ANKMY1: variants seen among roughly 807,000 people sequenced by gnomAD.
ANKMY1 encodes ankyrin repeat and MYND domain containing 1.
In ANKMY1, 98 loss-of-function variants were observed where a neutral mutation model predicts 102.0. That is an observed-to-expected ratio of 0.96 (90% confidence interval 0.82 to 1.14). The LOEUF is 1.14. Among genes scored for constraint, ANKMY1 ranks in the 50% most tolerant of loss-of-function variants. The pLI is 0.00. For missense variants in ANKMY1, 1,330 were observed against 1,347.6 expected, an observed-to-expected ratio of 0.99 and a Z score of 0.20; for synonymous variants, 582 against 559.9, an observed-to-expected ratio of 1.04 and a Z score of -0.56.
chr2:240,505,267 G>A (rs915369141), intron 13 of ANKMY1, among the ~76,000 whole-genome samples: 1 of 151,896 alleles, frequency 6.6e-6, no homozygotes, highest in African/African-American at 2.4e-5. Context: ...TTCAAGACCA[G>A]CCTGACCAAC....
At chr2:240,508,161 C>A (rs12471846) in intron 12 of ANKMY1, among the ~76,000 whole-genome samples, 1 of 152,104 alleles carries the variant, frequency 6.6e-6, no homozygotes, top group African/African-American at 2.4e-5. Flanking sequence ...AAGAGGCACA[C>A]CTCCCTTCTC....
At chr2:240,522,389 A>G (rs2152340569) in intron 8 of ANKMY1, 1 of 152,332 alleles carries the variant, frequency 6.6e-6, no homozygotes, top group Non-Finnish European at 1.5e-5. Context: ...AGTTGGGGAG[A>G]AGGATGGCAC....
At chr2:240,476,142 T>C (rs114621626), downstream of ANKMY1, among the ~76,000 whole-genome samples, 304 of 152,220 alleles carry the variant, frequency 2.0e-3, 1 homozygote, top group African/African-American at 7.1e-3. Context: ...GATACAGTCA[T>C]AAAAACAGAT....
intron 15 of ANKMY1, among the ~76,000 whole-genome samples, chr2:240,498,596 G>A (rs968017986): frequency 2.0e-5 from 3 of 151,942 alleles, no homozygotes; most frequent in Non-Finnish European, 2.9e-5. Context: ...GTATGCAAGC[G>A]TGTGGGTGGG....
At chr2:240,548,590 G>A (rs942110687) in intron 4 of ANKMY1, among the ~76,000 whole-genome samples, 1 of 151,836 alleles carries the variant, frequency 6.6e-6, no homozygotes, top group Non-Finnish European at 1.5e-5. Flanking sequence ...GTTTGCAGAC[G>A]ACATGATTGT....
intron 12 of ANKMY1, among the ~76,000 whole-genome samples, chr2:240,508,673 A>G (rs1383360240): frequency 6.6e-6 from 1 of 152,204 alleles, no homozygotes; most frequent in Non-Finnish European, 1.5e-5. Context: ...GAGAGCAGAG[A>G]CTGTTTAATT....
chr2:240,526,387 C>T lies in ANKMY1; in HGVS notation c.1012G>A (p.Gly338Ser). Residue 338 changes from glycine to serine, a missense_variant, in exon 6 of 18, where the codon GGC becomes AGC. Transcript: ENST00000401804. ...MGAILEGKRS[G>S]FAPCGPKEQL... ...TCTTTGGGCCCACAGGGTGCAAAGC[C>T]ACTGCGCTTCCCCTCCAGGATGGCG... The T allele has an allele frequency of 1.2e-6, 2 of 1,614,206 alleles. No homozygotes were observed. The highest frequency in any genetic ancestry group is 2.2e-5 in the South Asian group (2 of 91,084).
In ANKMY1 at chr2:240,520,133, G is replaced by A; in HGVS notation, c.2004+229C>T. 2.7e-6 allele frequency: 2 copies of A among 754,718 alleles called. No homozygotes were observed. The highest frequency in any genetic ancestry group is 4.7e-6 in the Non-Finnish European group (2 of 423,952). 46.8% of individuals were successfully genotyped at this position (754,718 alleles called of 1,614,324 possible). On this transcript the variant is annotated intron_variant, in intron 9 of 17. Transcript: ENST00000401804. This position sits in a 1 kb window ranked among gnomAD's most constrained non-coding sequence, Gnocchi z 4.8. ...CACTGGGAAAAAAATCACACGGATC[G>A]TGAAGTACTCTAAAAACTAGCTCGG...
chr2:240,513,407 C>T (rs576846410), intron 9 of ANKMY1, among the ~76,000 whole-genome samples: 13 of 152,354 alleles, frequency 8.5e-5, no homozygotes, highest in East Asian at 3.9e-4. Context: ...GCAGCAGTGA[C>T]GCAGAGGTGT....
At chr2:240,507,785 C>G (rs2079358201) in intron 12 of ANKMY1, 94 bp from the exon 13 acceptor site, 1 of 1,424,454 alleles carries the variant, frequency 7.0e-7, no homozygotes, top group African/African-American at 1.4e-5. Context: ...AGAACTAACC[C>G]CTGAAAGCAG....
upstream of ANKMY1, chr2:240,560,387 G>C: frequency 3.5e-6 from 1 of 283,050 alleles, no homozygotes; most frequent in East Asian, 6.0e-5. Flanking sequence ...ACAGGCCGCG[G>C]GGGCGGGGAG....
chr2:240,512,814 G>C lies in ANKMY1; in HGVS notation c.2133C>G (p.Tyr711Ter). 1 of 1,613,916 alleles carries C rather than the reference G, an allele frequency of 6.2e-7. No homozygotes were observed. The highest frequency in any genetic ancestry group is 8.5e-7 in the Non-Finnish European group (1 of 1,179,946). ...GCGAGGTACACACCTTGCCGGGCTT[G>C]TAAGTGTCGTCCTCGTCGGATGCCT... The part of the protein sequence containing the change: ...DAKASDEDDT[Y>*]KPGKLDLLPS... The change falls in exon 10 of 18, where the codon TAC (tyrosine) becomes TAG (stop). Residue 711 changes from tyrosine (Y) to a stop codon, truncating the protein, a stop_gained. Coordinates refer to ENST00000401804, the MANE Select transcript of ANKMY1 (RefSeq NM_001282771.3). LOFTEE classifies it high-confidence loss of function.
chr2:240,518,048 G>A (rs753303145), intron 9 of ANKMY1, among the ~76,000 whole-genome samples: 4 of 152,284 alleles, frequency 2.6e-5, no homozygotes, highest in South Asian at 2.1e-4. Context: ...ATGAAGCAGC[G>A]AGACGGATGC....
chr2:240,557,075 G>T, intron 2 of ANKMY1, 115 bp downstream of exon 2: 1 of 1,192,398 alleles, frequency 8.4e-7, no homozygotes. Flanking sequence ...CCAGAAACTA[G>T]TTTCTCAGGG....
At chr2:240,512,344 TCAACCCC>T (rs1163630314) in intron 10 of ANKMY1, among the ~76,000 whole-genome samples, 17 of 152,304 alleles carry the variant, frequency 1.1e-4, no homozygotes, top group African/African-American at 3.6e-4. Context: ...CTCAAGGGGC[TCAACCCC>T]TTGTGGAGGA....
intron 4 of ANKMY1, among the ~76,000 whole-genome samples, chr2:240,538,366 C>A (rs1210361538): frequency 1.3e-5 from 2 of 152,184 alleles, no homozygotes; most frequent in Admixed American, 1.3e-4. Context: ...GGGGGGCCCA[C>A]ACTCAGAGCC....
At position 240,500,015 on chromosome 2, in the gene ANKMY1, C is replaced by T; in HGVS notation, c.2749G>A (p.Ala917Thr). The T allele has an allele frequency of 6.2e-7, 1 of 1,613,046 alleles. No homozygotes were observed. The highest frequency in any genetic ancestry group is 8.5e-7 in the Non-Finnish European group (1 of 1,179,820). ...CACTGGCTCTCCTTGGCAAAGACAG[C>T]CTGCCGTAGCTGCAAGCCCATGTAC... ...LEYMGLQLRQ[A>T]VFAKESQWDP... Residue 917 changes from alanine to threonine, a missense_variant, in exon 15 of 18, where the codon GCT (alanine) becomes ACT (threonine). By Grantham distance (58) the Ala-to-Thr change is moderately conservative (BLOSUM62 0). Transcript: ENST00000401804.
At chr2:240,510,036 T>C (rs1439557379) in intron 11 of ANKMY1, among the ~76,000 whole-genome samples, 2 of 129,444 alleles carry the variant, frequency 1.5e-5, no homozygotes, top group East Asian at 5.3e-4. Flanking sequence ...TGTCCTCCCT[T>C]CCTATCTCCC....
chr2:240,556,428 G>C (rs1215892226), intron 2 of ANKMY1, among the ~76,000 whole-genome samples: 1 of 152,122 alleles, frequency 6.6e-6, no homozygotes, highest in African/African-American at 2.4e-5. Context: ...AGCTAAGCCC[G>C]CTCCCACCAG....
Sources: gnomAD v4.1 joint callset for allele counts (sites outside exome capture counted in the v4.1 genomes callset) on GRCh38, gnomAD v4.1.1 for gene constraint, Gnocchi (gnomAD v3.1) non-coding constraint, MANE v1.5 for transcripts, NCBI Gene and HGNC (gene_info 2026-07-23, HGNC 2026-07-21) for gene names.